The following IFFO2 variants were observed in gnomAD, a reference collection of about 807,000 sequenced individuals.
IFFO2 encodes the protein intermediate filament family orphan 2.
A neutral mutation model predicts 53.5 loss-of-function variants in IFFO2; 19 were observed. The observed-to-expected ratio is 0.36, with a 90% confidence interval of 0.25 to 0.52. IFFO2 has a LOEUF of 0.52. IFFO2 is among the 20% of genes least tolerant of loss of function. IFFO2 has a pLI of 0.94. For missense variants in IFFO2, 570 were observed against 727.4 expected (o/e 0.78, Z 2.49); for synonymous variants, 303 against 313.6 (o/e 0.97, Z 0.36).
At chr1:18,944,477 G>GA (rs1557649333) in intron 1 of IFFO2, among the ~76,000 whole-genome samples, 1 of 152,092 alleles carries the variant, frequency 6.6e-6, no homozygotes, top group African/African-American at 2.4e-5. Flanking sequence ...CATAATGGGG[G>GA]ATGGGGAGGC....
intron 5 of IFFO2, among the ~76,000 whole-genome samples, chr1:18,914,970 T>C (rs1016241848): frequency 1.3e-5 from 2 of 152,164 alleles, no homozygotes; most frequent in Non-Finnish European, 2.9e-5. Flanking sequence ...ATCCCAGTTC[T>C]GTTTCAAGGG....
In IFFO2 at chr1:18,956,100, T is replaced by C. The variant is rs1198668932; in HGVS notation, c.233A>G (p.Asn78Ser). The C allele has an allele frequency of 6.7e-7, 1 of 1,495,268 alleles. No homozygotes were observed. The highest frequency in any genetic ancestry group is 2.1e-5 in the Admixed American group (1 of 48,254). The allele number at this position is 1,495,268 out of a possible 1,614,324, so 92.6% of individuals were successfully genotyped here. ...CTCCAGCTGCTTCTCCAGCAGCCGG[T>C]TGCGCCGCTCCAGCTCGTGCACCTT... ...LAKVHELERR[N>S]RLLEKQLEQQ... Residue 78 changes from asparagine (N) to serine (S), a missense_variant, in exon 1 of 9, where the codon AAC (asparagine) becomes AGC (serine). By Grantham distance (46) the Asn-to-Ser change is conservative. Coordinates refer to ENST00000455833, the MANE Select transcript of IFFO2 (RefSeq NM_001136265.2). This position sits in a 1 kb window ranked among gnomAD's most constrained non-coding sequence, Gnocchi z 6.4.
At chr1:18,921,253 C>G (rs943535571) in intron 1 of IFFO2, 132 bp from the exon 2 acceptor site, 4 of 763,446 alleles carry the variant, frequency 5.2e-6, no homozygotes, top group Non-Finnish European at 9.0e-6. Flanking sequence ...GGCATCCATC[C>G]CTGCCTGCCC....
Position 18,919,642 on chromosome 1 carries a change from A to G in IFFO2, c.822+36T>C, listed in dbSNP as rs1384936885. On this transcript the variant is annotated intron_variant, in intron 3 of 8. Transcript: ENST00000455833. The surrounding 1 kb of genome is among the most constrained non-coding windows in gnomAD (Gnocchi z 4.9). ...GCATTTTGCATGATGGGTGTGGGGG[A>G]GGTCATGACACCCAGGGGCGGCGGG... The G allele has an allele frequency of 1.5e-6, 2 of 1,335,268 alleles. No individual in the cohort carries two copies. The highest frequency in any genetic ancestry group is 1.3e-5 in the South Asian group (1 of 79,728). 82.7% of individuals were successfully genotyped at this position (1,335,268 alleles called of 1,614,324 possible).
At chr1:18,908,757 A>G in intron 8 of IFFO2, 91 bp from the exon 9 acceptor site, 2 of 875,188 alleles carry the variant, frequency 2.3e-6, no homozygotes, top group Non-Finnish European at 3.7e-6. Context: ...CCACTTCTAT[A>G]AGATCTACTC....
intron 1 of IFFO2, among the ~76,000 whole-genome samples, chr1:18,923,900 G>A (rs763026668): frequency 2.7e-4 from 41 of 152,158 alleles, no homozygotes; most frequent in East Asian, 7.7e-4. Context: ...TTCCTGCCCC[G>A]AGTTCTGCAC....
chr1:18,944,556 GC>G (rs1262440845), intron 1 of IFFO2, among the ~76,000 whole-genome samples: 3 of 152,058 alleles, frequency 2.0e-5, no homozygotes, highest in Non-Finnish European at 2.9e-5. Context: ...AGCCTCCCTT[GC>G]CCCCCACCAT....
chr1:18,912,105 G>T, intron 5 of IFFO2, 22 bp from the exon 6 acceptor site: 1 of 1,551,254 alleles, frequency 6.4e-7, no homozygotes, highest in East Asian at 2.4e-5. Context: ...ACACCAGAGG[G>T]CATGACTGAA....
chr1:18,942,557 A>G (rs1237126550), intron 1 of IFFO2, among the ~76,000 whole-genome samples: 1 of 152,218 alleles, frequency 6.6e-6, no homozygotes, highest in Non-Finnish European at 1.5e-5. Context: ...TCAGAGCAGT[A>G]ACACAACTCC....
At chr1:18,951,742 G>A (rs1936662453) in intron 1 of IFFO2, among the ~76,000 whole-genome samples, 1 of 152,220 alleles carries the variant, frequency 6.6e-6, no homozygotes. Context: ...GGAAACGGTT[G>A]AACCGGTTAA....
intron 1 of IFFO2, among the ~76,000 whole-genome samples, chr1:18,940,480 G>T (rs1936505029): frequency 6.6e-6 from 1 of 151,722 alleles, no homozygotes; most frequent in South Asian, 2.1e-4. Flanking sequence ...AGTTCATGCA[G>T]CATCATCCCC....
intron 1 of IFFO2, among the ~76,000 whole-genome samples, chr1:18,949,482 C>T (rs534840505): frequency 7.2e-5 from 11 of 152,280 alleles, no homozygotes; most frequent in Non-Finnish European, 1.5e-4. Context: ...GCCTCCTTCC[C>T]GTCCCGGGCC....
chr1:18,937,651 C>T (rs911005202), intron 1 of IFFO2, among the ~76,000 whole-genome samples: 14 of 152,228 alleles, frequency 9.2e-5, no homozygotes, highest in African/African-American at 3.4e-4. Flanking sequence ...AGCTTGTCAT[C>T]TCCTCACCCT....
intron 5 of IFFO2, among the ~76,000 whole-genome samples, chr1:18,913,420 C>T (rs758711053): frequency 1.3e-5 from 2 of 152,254 alleles, no homozygotes; most frequent in Non-Finnish European, 2.9e-5. Context: ...CTGAAGGAAA[C>T]CCCAGCCGAG....
rs1026508916 is a variant in IFFO2 at position 18,911,365 on chromosome 1, C to G, written c.1317+19G>C. 2 of 1,395,472 alleles carry G rather than the reference C, an allele frequency of 1.4e-6. No homozygotes were observed. Among genetic ancestry groups the G allele is most frequent in the Non-Finnish European group, 1.9e-6 (2 of 1,036,568 alleles). The allele number at this position is 1,395,472 out of a possible 1,614,324, so 86.4% of individuals were successfully genotyped here. On this transcript the variant is annotated intron_variant, in intron 7 of 8. Transcript: ENST00000455833. ...CTCAGGAGAGCCTCACGAGTGGGCT[C>G]CACGTCCCGAGCCCTCACCTCGATC...
chr1:18,921,075 C>G lies in IFFO2; in HGVS notation c.712G>C (p.Asp238His). 1.9e-6 allele frequency: 3 copies of G among 1,551,982 alleles called. No individual in the cohort carries two copies. Among genetic ancestry groups the G allele is most frequent in the South Asian group, 1.2e-5 (1 of 84,054 alleles). ...AGGGCTCTTACCTCCTGCAGCGTGT[C>G]CACCATGGTCTGAAGGTTCATGCGC... ...AKRMNLQTMV[D>H]TLQEAAQEAD... The change falls in exon 2 of 9, where the codon GAC becomes CAC. Residue 238 changes from aspartate (D) to histidine (H), a missense_variant. Asp to His is a moderately conservative substitution (Grantham distance 81). Coordinates refer to ENST00000455833, the MANE Select transcript of IFFO2 (RefSeq NM_001136265.2).
In IFFO2 at chr1:18,923,039, C is replaced by A. The variant is rs561475925; in HGVS notation, c.666-1918G>T. Reference sequence around the variant, plus strand: ...AGCTGAATCATCTCTCCTGGCCACACGGCTCAGAGCGGGGAAGGCGACTCA... The same window carrying A: ...AGCTGAATCATCTCTCCTGGCCACAAGGCTCAGAGCGGGGAAGGCGACTCA... On this transcript the variant is annotated intron_variant, in intron 1 of 8. Transcript: ENST00000455833. Among the ~76,000 whole-genome samples the A allele has an allele frequency of 4.6e-5, 7 of 152,318 alleles. No individual in the cohort carries two copies. In the East Asian group the frequency reaches 9.6e-4, roughly 21 times the overall value.
At chr1:18,911,883 A>G in intron 6 of IFFO2, 80 bp downstream of exon 6, 1 of 1,508,806 alleles carries the variant, frequency 6.6e-7, no homozygotes, top group Non-Finnish European at 8.9e-7. Context: ...TAGAAAAATA[A>G]CAGGGATGAG....
chr1:18,919,535 T>G lies in IFFO2; in HGVS notation c.822+143A>C. Reference sequence around the variant, plus strand: ...GGTGCCTGGTCTCCGATGCATCCAATGCATCCGTCATCCTCATGGTCAAAC... The same window carrying G: ...GGTGCCTGGTCTCCGATGCATCCAAGGCATCCGTCATCCTCATGGTCAAAC... On this transcript the variant is annotated intron_variant, in intron 3 of 8. Coordinates refer to ENST00000455833, the MANE Select transcript of IFFO2 (RefSeq NM_001136265.2). This position sits in a 1 kb window ranked among gnomAD's most constrained non-coding sequence, Gnocchi z 4.9. 1.5e-6 allele frequency: 1 copy of G among 655,432 alleles called. No individual in the cohort carries two copies. Among genetic ancestry groups the G allele is most frequent in the Non-Finnish European group, 2.8e-6 (1 of 360,792 alleles). The allele number at this position is 655,432 out of a possible 1,614,324, so 40.6% of individuals were successfully genotyped here. A position where few individuals can be genotyped will look rare whatever the true frequency, so the allele number is the denominator to read the frequency against.
Sources: gnomAD v4.1 joint callset for allele counts (sites outside exome capture counted in the v4.1 genomes callset) on GRCh38, gnomAD v4.1.1 for gene constraint, Gnocchi (gnomAD v3.1) non-coding constraint, MANE v1.5 for transcripts, NCBI Gene and HGNC (gene_info 2026-07-23, HGNC 2026-07-21) for gene names.